The following USH1C variants were observed in gnomAD, a reference collection of about 807,000 sequenced individuals.
USH1C encodes harmonin.
A neutral mutation model predicts 119.3 loss-of-function variants in USH1C; 90 were observed. That is an observed-to-expected ratio of 0.75 (90% CI 0.64 to 0.90). USH1C has a LOEUF of 0.90. Among genes scored for constraint, USH1C ranks in the 40% least tolerant of loss-of-function variants. The probability of loss-of-function intolerance (pLI) is 0.00; values close to 1 mark genes in which losing one functional copy is unlikely to be tolerated. For missense variants in USH1C, 1,165 were observed against 1,167.7 expected (o/e 1.00, Z 0.03); for synonymous variants, 465 against 443.3 (o/e 1.05, Z -0.62).
At chr11:17,522,954 C>G in intron 11 of USH1C, 28 bp from the exon 12 acceptor site, 2 of 1,603,760 alleles carry the variant, frequency 1.2e-6, no homozygotes, top group Non-Finnish European at 1.7e-6. Flanking sequence ...GCCCCTTGCT[C>G]AGCCCCCGGG....
chr11:17,502,329 G>A (rs1849478900), intron 20 of USH1C, among the ~76,000 whole-genome samples: 2 of 152,054 alleles, frequency 1.3e-5, no homozygotes, highest in Non-Finnish European at 2.9e-5. Context: ...AAGTCCTTTA[G>A]GCCCCACCTC....
intron 1 of USH1C, among the ~76,000 whole-genome samples, chr11:17,541,946 G>A (rs540291508): frequency 1.3e-5 from 2 of 152,296 alleles, no homozygotes; most frequent in East Asian, 1.9e-4. Context: ...AGGTCTTCCT[G>A]ACAGTGACAG....
In USH1C at chr11:17,509,642, A is replaced by G; in HGVS notation, c.1727T>C (p.Val576Ala). 1 of 1,532,812 alleles carries G rather than the reference A, an allele frequency of 6.5e-7. No homozygotes were observed. The highest frequency in any genetic ancestry group is 8.7e-7 in the Non-Finnish European group (1 of 1,150,044). 95.0% of individuals were successfully genotyped at this position (1,532,812 alleles called of 1,614,324 possible). A position where few individuals can be genotyped will look rare whatever the true frequency, so the allele number is the denominator to read the frequency against. ...TAAGGGAAGGACAGGGGGCGCCGGG[A>G]CCTTGTGGGGTGGGTTGGAGGGTGG... ...HPPPSNPPHKVPAPPVLPLSG... is the reference protein window; with the variant it reads ...HPPPSNPPHKAPAPPVLPLSG... Residue 576 changes from valine to alanine, a missense_variant, in exon 18 of 27, where the codon GTC (valine) becomes GCC (alanine). Physicochemically the swap from Val to Ala is moderately conservative, Grantham distance 64 (BLOSUM62 0). Transcript: ENST00000005226.
At chr11:17,511,339 G>A (rs375728508) in intron 16 of USH1C, among the ~76,000 whole-genome samples, 7 of 36,430 alleles carry the variant, frequency 1.9e-4, no homozygotes, top group African/African-American at 4.4e-4. Context: ...TAAGTTGGGT[G>A]GGGGGGGGTC....
Position 17,531,135 on chromosome 11 carries a change from C to T in USH1C, c.387+19G>A, listed in dbSNP as rs1850949505. On this transcript the variant is annotated intron_variant, in intron 4 of 26. Transcript: ENST00000005226. This position sits in a 1 kb window ranked among gnomAD's most constrained non-coding sequence, Gnocchi z 4.2. ...GTCCGAGGCCCTCGCTCCCCCTCCC[C>T]CGGACTCTGTTTGCTCACCTGGAGC... 1.9e-6 allele frequency: 3 copies of T among 1,613,782 alleles called. No homozygotes were observed. Among genetic ancestry groups the T allele is most frequent in the Admixed American group, 3.3e-5 (2 of 59,996 alleles).
chr11:17,539,833 CTTTTTT>C (rs34881002), intron 1 of USH1C, among the ~76,000 whole-genome samples: 3 of 126,202 alleles, frequency 2.4e-5, no homozygotes, highest in Admixed American at 8.0e-5. Flanking sequence ...CTTTCTTTTT[CTTTTTT>C]TTTTTTTTTT....
At position 17,526,821 on chromosome 11, in the gene USH1C, G is replaced by A. The variant is rs748259243; in HGVS notation, c.522-11C>T. 1 of 1,613,308 alleles carries A rather than the reference G, an allele frequency of 6.2e-7. No homozygotes were observed. Among genetic ancestry groups the A allele is most frequent in the Admixed American group, 1.7e-5 (1 of 59,898 alleles). On this transcript the variant is annotated splice_polypyrimidine_tract_variant and intron_variant, in intron 6 of 26. Transcript: ENST00000005226. ...GGCTCATCAGGAGAGCTGATGGGAAGGGAAAATAGATGGGAGGGTGGTTAG... is the reference window on the plus strand; with the variant it reads ...GGCTCATCAGGAGAGCTGATGGGAAAGGAAAATAGATGGGAGGGTGGTTAG...
intron 14 of USH1C, among the ~76,000 whole-genome samples, chr11:17,517,762 T>C (rs981635817): frequency 2.0e-5 from 3 of 152,180 alleles, no homozygotes; most frequent in African/African-American, 7.2e-5. Flanking sequence ...TTGTAGGGTA[T>C]TGGGCTGAAG....
At position 17,495,641 on chromosome 11, in the gene USH1C, T is replaced by C. The variant is rs758269506; in HGVS notation, c.2583A>G (p.Gln861=). 1.3e-5 allele frequency: 21 copies of C among 1,613,952 alleles called. No homozygotes were observed. The highest frequency in any genetic ancestry group is 8.3e-5 in the Admixed American group (5 of 59,996). Residue 861 remains glutamine (Q), a synonymous_variant, in exon 26 of 27, where the codon CAA becomes CAG. Coordinates refer to ENST00000005226, the MANE Select transcript of USH1C (RefSeq NM_153676.4). ...SLPSSVAESP[Q]PVRKLLEDRA... ...GGTCTTCAAGGAGCTTTCGGACCGG[T>C]TGGGGGCTTTCAGCTACGGAGGAGG... is the stretch of plus-strand genomic sequence containing the variant.
intron 14 of USH1C, among the ~76,000 whole-genome samples, chr11:17,518,055 C>T (rs893372244): frequency 7.2e-5 from 11 of 152,230 alleles, no homozygotes; most frequent in Admixed American, 1.3e-4. Context: ...CCAGAGTTTC[C>T]AGCTTGGACT....
rs775751358 is a variant in USH1C, at chr11:17,509,693, G to C, written c.1676C>G (p.Ser559Cys). Residue 559 changes from serine to cysteine, a missense_variant, in exon 18 of 27, where the codon TCT (serine) becomes TGT (cysteine). Coordinates refer to ENST00000005226, the MANE Select transcript of USH1C (RefSeq NM_153676.4). ...DMFYYPPKTP[S>C]ALPVMPHPPP... ...AGGGTGGGGCATCACAGGCAAGGCA[G>C]AGGGAGTCTTGGGGGGATAGTAGAA... The C allele has an allele frequency of 6.3e-7, 1 of 1,599,668 alleles. No individual in the cohort carries two copies. Among genetic ancestry groups the C allele is most frequent in the East Asian group, 2.2e-5 (1 of 44,726 alleles).
At chr11:17,536,006 C>G (rs1449833328) in intron 1 of USH1C, among the ~76,000 whole-genome samples, 1 of 152,208 alleles carries the variant, frequency 6.6e-6, no homozygotes, top group Non-Finnish European at 1.5e-5. Flanking sequence ...AATTTCCAAC[C>G]CTTTGCTTTC....
At chr11:17,517,613 A>G in intron 14 of USH1C, 1 of 814,584 alleles carries the variant, frequency 1.2e-6, no homozygotes, top group Non-Finnish European at 2.0e-6. Context: ...CAGGGGACAG[A>G]GTTCAGGAGA....
In USH1C at chr11:17,501,150, C is replaced by T. The variant is rs771504780; in HGVS notation, c.2281G>A (p.Glu761Lys). The T allele has an allele frequency of 6.2e-7, 1 of 1,612,948 alleles. No homozygotes were observed. The highest frequency in any genetic ancestry group is 2.2e-5 in the East Asian group (1 of 44,784). The change falls in exon 23 of 27, where the codon GAG becomes AAG. Residue 761 changes from glutamate to lysine, a missense_variant and splice_region_variant. By Grantham distance (56) the Glu-to-Lys change is moderately conservative (BLOSUM62 1). Transcript: ENST00000005226. ...KDVRLLRIKK[E>K]GSLDLALEGG... ...TCCAGGGCCAGGTCTAAGGATCCCT[C>T]CTGGTTAGAGGAAAACAGGCCTTAG...
intron 21 of USH1C, 108 bp from the exon 22 acceptor site, chr11:17,501,643 G>T: frequency 1.5e-6 from 2 of 1,312,786 alleles, no homozygotes; most frequent in Non-Finnish European, 2.1e-6. Context: ...GCCCCACAGA[G>T]CACATGGGCA....
intron 1 of USH1C, among the ~76,000 whole-genome samples, chr11:17,543,787 A>G (rs774663341): frequency 3.3e-5 from 5 of 152,242 alleles, no homozygotes; most frequent in Non-Finnish European, 5.9e-5. Context: ...TTAGGCAGGC[A>G]GGGCTGAAAT....
At position 17,527,239 on chromosome 11, in the gene USH1C, C is replaced by T. The variant is rs201812681; in HGVS notation, c.480G>A (p.Val160=). ...CTCACTCACGTCTCACTTTGATGGA[C>T]ACAGTTTTCTTGGTTCGAATGAGGT... is the stretch of plus-strand genomic sequence containing the variant. ...VINLIRTKKT[V]SIKVRHIGLI... Residue 160 remains valine (V), a synonymous_variant, in exon 5 of 27, where the codon GTG becomes GTA. Coordinates refer to ENST00000005226, the MANE Select transcript of USH1C (RefSeq NM_153676.4). 13 of 1,607,004 alleles carry T rather than the reference C, an allele frequency of 8.1e-6. No homozygotes were observed. The African/African-American group carries it at 1.5e-4, about 18-fold the overall frequency.
intron 18 of USH1C, 86 bp from the exon 19 acceptor site, chr11:17,506,035 C>A: frequency 1.3e-6 from 2 of 1,594,578 alleles, no homozygotes; most frequent in African/African-American, 2.7e-5. Flanking sequence ...ACATGCAAAT[C>A]TACACCCATG....
intron 9 of USH1C, among the ~76,000 whole-genome samples, chr11:17,524,058 A>G (rs1850548279): frequency 6.6e-6 from 1 of 152,248 alleles, no homozygotes; most frequent in Non-Finnish European, 1.5e-5. Context: ...TATGAGGTAC[A>G]CGATTTTGGA....
Sources: allele counts gnomAD v4.1 joint callset (sites outside exome capture counted in the v4.1 genomes callset), GRCh38; gene constraint gnomAD v4.1.1; non-coding constraint Gnocchi (gnomAD v3.1); transcripts MANE v1.5; gene names NCBI Gene and HGNC (gene_info 2026-07-23, HGNC 2026-07-21).